Variants in WWP2 observed in about 807,000 individuals in gnomAD.
The protein encoded by WWP2 is NEDD4-like E3 ubiquitin-protein ligase WWP2.
In WWP2, 57 loss-of-function variants were observed where a neutral mutation model predicts 121.0. The observed-to-expected ratio is 0.47, with a 90% CI of 0.38 to 0.59. WWP2 has a LOEUF of 0.59. WWP2 is among the 20% of genes least tolerant of loss of function. The probability of loss-of-function intolerance (pLI) is 0.00; values close to 1 mark genes in which losing one functional copy is unlikely to be tolerated. For synonymous variants in WWP2, 449 were observed against 441.3 expected, an observed-to-expected ratio of 1.02 and a Z score of -0.22; for missense variants, 962 against 1,158.9, an observed-to-expected ratio of 0.83 and a Z score of 2.47.
chr16:69,892,045 G>A (rs73572162), intron 8 of WWP2, among the ~76,000 whole-genome samples: 1,630 of 152,184 alleles, frequency 0.011, 30 homozygotes, highest in African/African-American at 0.036. Context: ...GGTGCCATAC[G>A]GGCAGGGATT....
At chr16:69,891,429 C>A (rs561015399) in intron 8 of WWP2, among the ~76,000 whole-genome samples, 63 of 152,118 alleles carry the variant, frequency 4.1e-4, no homozygotes, top group Non-Finnish European at 7.5e-4. Flanking sequence ...ATGCCTTTAT[C>A]TTTTATGAGG....
At chr16:69,930,386 G>A (rs2058694979) in intron 13 of WWP2, 128 bp downstream of exon 13, 3 of 1,419,836 alleles carry the variant, frequency 2.1e-6, no homozygotes, top group South Asian at 2.9e-5. Context: ...CCCTCTAGTG[G>A]CCAATGTTGA....
intron 2 of WWP2, among the ~76,000 whole-genome samples, chr16:69,792,315 CTTA>C (rs2055930160): frequency 6.6e-6 from 1 of 152,154 alleles, no homozygotes; most frequent in African/African-American, 2.4e-5. Context: ...CTGTTTGGAA[CTTA>C]TTGAGAGAGC....
chr16:69,938,600 C>G (rs552548249), intron 21 of WWP2, among the ~76,000 whole-genome samples: 1 of 149,454 alleles, frequency 6.7e-6, no homozygotes, highest in Non-Finnish European at 1.5e-5. Flanking sequence ...TGAGCTGGAC[C>G]GTGCCACTGC....
chr16:69,838,262 G>T (rs1171386117), intron 4 of WWP2, among the ~76,000 whole-genome samples: 1 of 151,950 alleles, frequency 6.6e-6, no homozygotes, highest in East Asian at 1.9e-4. Flanking sequence ...TTTGCAGGTA[G>T]GGAGACTGAT....
intron 14 of WWP2, 81 bp from the exon 15 acceptor site, chr16:69,931,428 G>A (rs1034530120): frequency 1.3e-6 from 2 of 1,577,166 alleles, no homozygotes. Context: ...CAGCAGGCTG[G>A]GGAATGCCTG....
chr16:69,930,097 C>T (rs1045545425), intron 12 of WWP2, 33 bp from the exon 13 acceptor site: 45 of 1,613,326 alleles, frequency 2.8e-5, no homozygotes, highest in Non-Finnish European at 3.8e-5. Flanking sequence ...AAGGTGGGGC[C>T]AGCCCTTCAC....
In WWP2 at chr16:69,934,008, C is replaced by T; in HGVS notation, c.1721C>T (p.Pro574Leu). Reference protein sequence around the residue: ...FFLLSHEVLNPMYCLFEYAGK... With the variant: ...FFLLSHEVLNLMYCLFEYAGK... ...CTCCTGTCTCATGAGGTGCTCAACC[C>T]TATGTATTGTTTATTTGAATATGCC... Residue 574 changes from proline to leucine, a missense_variant, in exon 17 of 24, where the codon CCT becomes CTT. Physicochemically the swap from Pro to Leu is moderately conservative, Grantham distance 98 (BLOSUM62 -3). Coordinates refer to ENST00000359154, the MANE Select transcript of WWP2 (RefSeq NM_001270454.2). 1 of 1,614,136 alleles carries T rather than the reference C, an allele frequency of 6.2e-7. No homozygotes were observed. The highest frequency in any genetic ancestry group is 8.5e-7 in the Non-Finnish European group (1 of 1,180,008).
chr16:69,921,583 T>A (rs760869052), intron 10 of WWP2, among the ~76,000 whole-genome samples: 1 of 152,208 alleles, frequency 6.6e-6, no homozygotes, highest in Non-Finnish European at 1.5e-5. Flanking sequence ...CAACTCCTAG[T>A]GTGCTAATGT....
chr16:69,778,525 T>G (rs1378027679), intron 1 of WWP2, among the ~76,000 whole-genome samples: 2 of 152,062 alleles, frequency 1.3e-5, no homozygotes, highest in Non-Finnish European at 2.9e-5. Flanking sequence ...CTAAGCTTCT[T>G]GTAGTGGATA....
intron 6 of WWP2, among the ~76,000 whole-genome samples, chr16:69,868,777 C>T (rs1388566282): frequency 6.6e-6 from 1 of 152,282 alleles, no homozygotes; most frequent in East Asian, 1.9e-4. Flanking sequence ...CTCATTTGTG[C>T]TCATTCCACT....
In WWP2 at chr16:69,871,810, C is replaced by T; in HGVS notation, c.582C>T (p.His194=). 1.2e-6 allele frequency: 2 copies of T among 1,614,130 alleles called. No individual in the cohort carries two copies. The highest frequency in any genetic ancestry group is 1.7e-6 in the Non-Finnish European group (2 of 1,180,024). The change falls in exon 7 of 24, where the codon CAC becomes CAT. Residue 194 remains histidine, a synonymous_variant. Coordinates refer to ENST00000359154, the MANE Select transcript of WWP2 (RefSeq NM_001270454.2). ...TNCFGGRSRT[H]RHSGASARTT... is the part of the protein sequence containing the mutation. ...TTCTACTTTGAACCCCCAGGACGCA[C>T]AGACATTCGGGTGCTTCAGCCAGAA...
At chr16:69,825,105 A>G (rs992751417) in intron 4 of WWP2, among the ~76,000 whole-genome samples, 2 of 151,964 alleles carry the variant, frequency 1.3e-5, no homozygotes, top group African/African-American at 4.8e-5. Context: ...TTGTGTTTGC[A>G]ATGACTTCAT....
At chr16:69,781,983 T>C (rs2055673449) in intron 1 of WWP2, among the ~76,000 whole-genome samples, 1 of 152,028 alleles carries the variant, frequency 6.6e-6, no homozygotes, top group Non-Finnish European at 1.5e-5. Flanking sequence ...CTCAATACTG[T>C]TAAGATTAAA....
chr16:69,804,100 G>T (rs542907262), intron 4 of WWP2, among the ~76,000 whole-genome samples: 1 of 152,198 alleles, frequency 6.6e-6, no homozygotes, highest in East Asian at 1.9e-4. Context: ...ATTTGTTAAG[G>T]TTATTATTCT....
chr16:69,858,454 G>A (rs980781381), intron 6 of WWP2, among the ~76,000 whole-genome samples: 3 of 152,186 alleles, frequency 2.0e-5, no homozygotes, highest in African/African-American at 4.8e-5. Flanking sequence ...GCTGGTTTAC[G>A]TTCCCTGGCG....
chr16:69,866,722 A>G (rs1260426325), intron 6 of WWP2, among the ~76,000 whole-genome samples: 1 of 151,864 alleles, frequency 6.6e-6, no homozygotes, highest in African/African-American at 2.4e-5. Flanking sequence ...GGTTGCTTCT[A>G]CCTCTTGGCT....
chr16:69,827,746 C>T, intron 4 of WWP2: 2 of 373,088 alleles, frequency 5.4e-6, no homozygotes, highest in South Asian at 4.1e-5. Context: ...TGGAGCCAGG[C>T]AGGGCCTGGG....
Position 69,799,346 on chromosome 16 carries a change from G to A in WWP2, c.340+51G>A, listed in dbSNP as rs1200299864. The stretch of plus-strand genomic sequence containing the variant: ...CGTGATTCTTGGGTGGGGATGGGAG[G>A]ACCTGGCAGATCAACCTGGTATTGC... On this transcript the variant is annotated intron_variant, in intron 4 of 23. Transcript: ENST00000359154. The surrounding 1 kb of genome is among the most constrained non-coding windows in gnomAD (Gnocchi z 4.5). 6.3e-7 allele frequency: 1 copy of A among 1,591,588 alleles called. No individual in the cohort carries two copies. The highest frequency in any genetic ancestry group is 1.7e-5 in the Admixed American group (1 of 57,460).
Sources: gnomAD v4.1 joint callset for allele counts (sites outside exome capture counted in the v4.1 genomes callset) on GRCh38, gnomAD v4.1.1 for gene constraint, Gnocchi (gnomAD v3.1) non-coding constraint, MANE v1.5 for transcripts, NCBI Gene and HGNC (gene_info 2026-07-23, HGNC 2026-07-21) for gene names.